Variants in CDH18 observed in about 807,000 individuals in gnomAD.
The protein encoded by CDH18 is cadherin 18, also known as cadherin-18.
CDH18 carries 31 observed loss-of-function variants against 67.9 expected under a neutral mutation model. The observed-to-expected ratio is 0.46, with a 90% CI of 0.34 to 0.62. The LOEUF (loss-of-function observed/expected upper bound fraction) is 0.62. Ranked by LOEUF, CDH18 falls within the 20% of genes least tolerant of loss-of-function variation. The pLI, the probability that CDH18 is intolerant of heterozygous loss-of-function variation, is 0.01. For missense variants in CDH18, 890 were observed against 975.5 expected, an observed-to-expected ratio of 0.91 and a Z score of 1.17; for synonymous variants, 362 against 347.2, an observed-to-expected ratio of 1.04 and a Z score of -0.48.
At chr5:19,872,049 T>C (rs1786367973) in intron 2 of CDH18, among the ~76,000 whole-genome samples, 2 of 152,212 alleles carry the variant, frequency 1.3e-5, no homozygotes, top group African/African-American at 2.4e-5. Context: ...CTTTGTTTTA[T>C]ACATATTTCC....
chr5:20,144,379 C>T (rs556918040), intron 2 of CDH18, among the ~76,000 whole-genome samples: 2 of 152,248 alleles, frequency 1.3e-5, no homozygotes, highest in South Asian at 4.1e-4. Flanking sequence ...TTGGGATAGG[C>T]AACTCTTACT....
rs372866552 is a variant in CDH18 at position 19,959,511 on chromosome 5, AC to A, written c.-257+21548del. ...CTTTTCCATGTTTAATTCCAAGAAA[AC>A]TCATTTTGTGACTTCTGCTTATAAC... On this transcript the variant is annotated intron_variant, in intron 2 of 12. Coordinates refer to ENST00000382275, the MANE Select transcript of CDH18 (RefSeq NM_004934.5). Among the ~76,000 whole-genome samples the A allele has an allele frequency of 6.0e-4, 91 of 152,052 alleles. No homozygotes were observed. In the South Asian group the frequency reaches 0.016, roughly 27 times the overall value.
Position 19,847,227 on chromosome 5 carries a change from T to C in CDH18, c.-256-7985A>G, listed in dbSNP as rs371054439. 8.5e-5 allele frequency among the ~76,000 whole-genome samples: 13 copies of C among 152,224 alleles called. No homozygotes were observed. In the East Asian group the frequency reaches 2.1e-3, roughly 25 times the overall value. On this transcript the variant is annotated intron_variant, in intron 2 of 12. Coordinates refer to ENST00000382275, the MANE Select transcript of CDH18 (RefSeq NM_004934.5). ...TCTTTAAGTAAACTCATTGATCTTT[T>C]CTCAATTTCTTATTTTTATTGGAAT... is the stretch of plus-strand genomic sequence containing the variant.
chr5:20,001,094 C>G (rs1034957716), intron 2 of CDH18, among the ~76,000 whole-genome samples: 1 of 152,092 alleles, frequency 6.6e-6, no homozygotes, highest in Admixed American at 6.6e-5. Context: ...TTTACATATT[C>G]TACAGCATGC....
chr5:20,460,440 T>A (rs3039350), intron 1 of CDH18, among the ~76,000 whole-genome samples: 62 of 130,226 alleles, frequency 4.8e-4, no homozygotes, highest in African/African-American at 1.1e-3. Context: ...AATAAATAAA[T>A]AAAATATGTT....
At chr5:20,569,724 A>G (rs771367339) in intron 1 of CDH18, among the ~76,000 whole-genome samples, 10 of 152,198 alleles carry the variant, frequency 6.6e-5, no homozygotes, top group Non-Finnish European at 1.5e-5. Flanking sequence ...AAGACTGAAC[A>G]TTAATGCTTA....
intron 2 of CDH18, among the ~76,000 whole-genome samples, chr5:19,909,388 C>T (rs1790880876): frequency 6.8e-6 from 1 of 147,706 alleles, no homozygotes; most frequent in Admixed American, 6.7e-5. Context: ...CAACCTCTGC[C>T]TCCCGGGTTC....
In CDH18 at chr5:20,266,571, A is replaced by ATTTTT. The variant is rs34718835; in HGVS notation, c.-579-11071_-579-11067dup. On this transcript the variant is annotated intron_variant, in intron 1 of 14. Coordinates refer to the CDH18 transcript ENST00000507958. ...GGCACGTGCCGGCACGCCCGGCTGA[A>ATTTTT]TTTTTTTTTTTTTTTTTTTTTTTTT... Among the ~76,000 whole-genome samples, 160 of 59,200 alleles carry ATTTTT rather than the reference A, an allele frequency of 2.7e-3. 2 individuals carry two copies. Among genetic ancestry groups the ATTTTT allele is most frequent in the African/African-American group, 3.7e-3 (52 of 14,118 alleles). The allele number at this position is 59,200 out of a possible 152,430, so 38.8% of individuals were successfully genotyped here. A position where few individuals can be genotyped will look rare whatever the true frequency, so the allele number is the denominator to read the frequency against.
chr5:20,227,494 A>C (rs1294183824), intron 2 of CDH18, among the ~76,000 whole-genome samples: 1 of 152,092 alleles, frequency 6.6e-6, no homozygotes, highest in African/African-American at 2.4e-5. Context: ...TATATGTCTT[A>C]ATCTTTTCTC....
At chr5:20,014,117 G>C (rs941580930) in intron 2 of CDH18, among the ~76,000 whole-genome samples, 17 of 152,108 alleles carry the variant, frequency 1.1e-4, no homozygotes, top group Non-Finnish European at 2.2e-4. Flanking sequence ...GAGAGGCATA[G>C]AGGTACTGCT....
chr5:20,034,182 C>G (rs903659926), intron 2 of CDH18, among the ~76,000 whole-genome samples: 2 of 151,894 alleles, frequency 1.3e-5, no homozygotes, highest in Non-Finnish European at 2.9e-5. Context: ...GGCTTTTCTA[C>G]CATGAGACTA....
chr5:19,930,953 A>G (rs1793622994), intron 2 of CDH18, among the ~76,000 whole-genome samples: 1 of 152,036 alleles, frequency 6.6e-6, no homozygotes, highest in Non-Finnish European at 1.5e-5. Flanking sequence ...TAAGAATGGA[A>G]GTGTGATCAA....
intron 2 of CDH18, among the ~76,000 whole-genome samples, chr5:20,133,031 G>A (rs1178315743): frequency 6.6e-6 from 1 of 151,956 alleles, no homozygotes; most frequent in African/African-American, 2.4e-5. Flanking sequence ...CTTCTTCGAG[G>A]CAAAGTTTTC....
chr5:19,792,279 G>A (rs1776442355), intron 3 of CDH18, among the ~76,000 whole-genome samples: 1 of 152,102 alleles, frequency 6.6e-6, no homozygotes. Context: ...TTCTAGAGCT[G>A]GGGCGTTCAT....
intron 2 of CDH18, among the ~76,000 whole-genome samples, chr5:20,041,016 CATT>C (rs1243002541): frequency 1.3e-5 from 2 of 152,148 alleles, no homozygotes; most frequent in Non-Finnish European, 2.9e-5. Flanking sequence ...AGAGCGGTAA[CATT>C]ATGTTGTTGG....
chr5:19,707,178 A>T (rs1764075919), intron 5 of CDH18, among the ~76,000 whole-genome samples: 1 of 152,056 alleles, frequency 6.6e-6, no homozygotes, highest in African/African-American at 2.4e-5. Context: ...AAGACCCATC[A>T]TTGGCAGCAT....
chr5:20,259,523 T>C (rs1744489045), intron 1 of CDH18, among the ~76,000 whole-genome samples: 2 of 152,184 alleles, frequency 1.3e-5, no homozygotes, highest in African/African-American at 4.8e-5. Flanking sequence ...TATGACGATC[T>C]ACTTCCACTT....
chr5:20,282,224 G>GAACTT (rs1417071557), intron 1 of CDH18, among the ~76,000 whole-genome samples: 4 of 152,072 alleles, frequency 2.6e-5, no homozygotes, highest in African/African-American at 7.2e-5. Context: ...CTGCCTGACT[G>GAACTT]CCCTGGCCAG....
rs111846646 is a variant in CDH18, at chr5:19,950,584, A to G, written c.-257+30476T>C. Among the ~76,000 whole-genome samples, 405 of 152,250 alleles carry G rather than the reference A, an allele frequency of 2.7e-3. 6 individuals carry two copies. The highest frequency in any genetic ancestry group is 7.7e-3 in the African/African-American group (319 of 41,564). On this transcript the variant is annotated intron_variant, in intron 2 of 12. Coordinates refer to ENST00000382275, the MANE Select transcript of CDH18 (RefSeq NM_004934.5). ...AGATATTTCTATCTCATGATATGTG[A>G]AAAACATTAACTAAAATTGAGAAAA...
Sources: allele counts gnomAD v4.1 joint callset (sites outside exome capture counted in the v4.1 genomes callset), GRCh38; gene constraint gnomAD v4.1.1; transcripts MANE v1.5; gene names NCBI Gene and HGNC (gene_info 2026-07-23, HGNC 2026-07-21).